The following RO60 variants were observed in gnomAD, a reference collection of about 807,000 sequenced individuals.
RO60 encodes the protein RNA-binding protein RO60.
RO60 carries 20 observed loss-of-function variants against 55.3 expected under a neutral mutation model. That is an observed-to-expected ratio of 0.36 (90% confidence interval 0.25 to 0.53). The LOEUF is 0.53. Among genes scored for constraint, RO60 ranks in the 20% least tolerant of loss-of-function variants. RO60 has a pLI of 0.92. For synonymous variants in RO60, 213 were observed against 213.6 expected (o/e 1.00, Z 0.02); for missense variants, 558 against 646.6 (o/e 0.86, Z 1.49).
At chr1:193,064,744 G>T (rs549455993) in intron 1 of RO60, among the ~76,000 whole-genome samples, 1 of 152,272 alleles carries the variant, frequency 6.6e-6, no homozygotes, top group East Asian at 1.9e-4. Context: ...TGTCCTCAGG[G>T]TTGTCATTTA....
At chr1:193,077,838 C>G (rs1674032743) in intron 5 of RO60, among the ~76,000 whole-genome samples, 1 of 152,168 alleles carries the variant, frequency 6.6e-6, no homozygotes, top group South Asian at 2.1e-4. Context: ...ACAAATCCAA[C>G]CCATATCACT....
At position 193,084,866 on chromosome 1, in the gene RO60, G is replaced by GAAA; in HGVS notation, c.*145_*147dup. On this transcript the variant is annotated 3_prime_UTR_variant, in exon 9 of 9. Coordinates refer to ENST00000400968, the MANE Select transcript of RO60 (RefSeq NM_001173524.2). The stretch of plus-strand genomic sequence containing the variant: ...GTGCATAATGGAAAGTTACCTTACT[G>GAAA]AAAAAAAAAAAAGAAGGAAAAATAA... 2.7e-6 allele frequency: 3 copies of GAAA among 1,113,292 alleles called. No individual in the cohort carries two copies. Among genetic ancestry groups the GAAA allele is most frequent in the East Asian group, 3.1e-5 (1 of 31,950 alleles). The allele number at this position is 1,113,292 out of a possible 1,614,324, so 69.0% of individuals were successfully genotyped here.
intron 1 of RO60, among the ~76,000 whole-genome samples, chr1:193,063,936 A>G (rs189228889): frequency 4.6e-5 from 7 of 152,246 alleles, no homozygotes; most frequent in Admixed American, 6.5e-5. Flanking sequence ...AACAAGAAGT[A>G]GACACATATG....
intron 2 of RO60, among the ~76,000 whole-genome samples, chr1:193,074,253 G>A (rs1285080656): frequency 2.6e-5 from 4 of 152,126 alleles, no homozygotes; most frequent in East Asian, 1.9e-4. Context: ...TATATACCCC[G>A]TAATGGGATT....
intron 1 of RO60, chr1:193,060,115 G>T: frequency 8.3e-7 from 1 of 1,208,508 alleles, no homozygotes. Context: ...CTTCTCCCGC[G>T]GCTTCTGCGC....
Position 193,084,685 on chromosome 1 carries a change from C to T in RO60, c.1571C>T (p.Thr524Ile). ...ATGTTGGATATGTGCGGCTTTGATA[C>T]TGGAGCTCTGGATGTAATTCGAAAT... ...RGMLDMCGFD[T>I]GALDVIRNFT... Residue 524 changes from threonine to isoleucine, a missense_variant, in exon 9 of 9, where the codon ACT (threonine) becomes ATT (isoleucine). By Grantham distance (89) the Thr-to-Ile change is moderately conservative. Coordinates refer to ENST00000400968, the MANE Select transcript of RO60 (RefSeq NM_001173524.2). 2 of 1,613,716 alleles carry T rather than the reference C, an allele frequency of 1.2e-6. No individual in the cohort carries two copies. Among genetic ancestry groups the T allele is most frequent in the South Asian group, 1.1e-5 (1 of 91,030 alleles).
intron 1 of RO60, among the ~76,000 whole-genome samples, chr1:193,065,140 A>G (rs1253208923): frequency 2.0e-5 from 3 of 152,180 alleles, no homozygotes; most frequent in East Asian, 1.9e-4. Context: ...AGAGAAACCA[A>G]TTGTGCATAA....
intron 8 of RO60, among the ~76,000 whole-genome samples, chr1:193,083,902 A>T (rs1235839598): frequency 6.6e-6 from 1 of 152,210 alleles, no homozygotes; most frequent in Non-Finnish European, 1.5e-5. Context: ...ATGTAGAGTA[A>T]AGACTGTTTG....
chr1:193,077,500 G>A (rs187647030), intron 5 of RO60, among the ~76,000 whole-genome samples: 30 of 152,294 alleles, frequency 2.0e-4, no homozygotes, highest in Admixed American at 1.7e-3. Context: ...GCAGCAGGAA[G>A]AAGTGATGAG....
chr1:193,085,884 T>C lies in RO60; in HGVS notation c.*1153T>C. On this transcript the variant is annotated 3_prime_UTR_variant, in exon 9 of 9. Coordinates refer to ENST00000400968, the MANE Select transcript of RO60 (RefSeq NM_001173524.2). ...TCACTAGGAATTTTTTTCAGTATTA[T>C]TTGTATGTATTAAACTTTTCATTAC... 1 of 985,270 alleles carries C rather than the reference T, an allele frequency of 1.0e-6. No homozygotes were observed. Among genetic ancestry groups the C allele is most frequent in the Non-Finnish European group, 1.2e-6 (1 of 829,820 alleles). 61.0% of individuals were successfully genotyped at this position (985,270 alleles called of 1,614,324 possible).
chr1:193,074,728 T>C (rs983269738), intron 2 of RO60, among the ~76,000 whole-genome samples: 1 of 152,212 alleles, frequency 6.6e-6, no homozygotes, highest in Non-Finnish European at 1.5e-5. Flanking sequence ...GCAGAAGCTC[T>C]TTAGTTGAAT....
At chr1:193,084,524 T>C in intron 8 of RO60, 55 bp from the exon 9 acceptor site, 1 of 1,521,900 alleles carries the variant, frequency 6.6e-7, no homozygotes, top group South Asian at 1.3e-5. Flanking sequence ...TTTGGAGGTA[T>C]TTTGCATTTC....
At position 193,084,809 on chromosome 1, in the gene RO60, T is replaced by C. The variant is rs1674548293; in HGVS notation, c.*78T>C. 1 of 1,551,218 alleles carries C rather than the reference T, an allele frequency of 6.4e-7. No homozygotes were observed. The highest frequency in any genetic ancestry group is 8.7e-7 in the Non-Finnish European group (1 of 1,153,820). Reference sequence around the variant, plus strand: ...AAATATACAGCTACTTCCCAGCTAATCTCCACCCAATGAATGATGATGGTA... The same window carrying C: ...AAATATACAGCTACTTCCCAGCTAACCTCCACCCAATGAATGATGATGGTA... On this transcript the variant is annotated 3_prime_UTR_variant, in exon 9 of 9. Coordinates refer to ENST00000400968, the MANE Select transcript of RO60 (RefSeq NM_001173524.2).
rs1455969852 is a variant in RO60, at chr1:193,069,035, T to C, written c.-20T>C. The C allele has an allele frequency of 6.3e-7, 1 of 1,585,072 alleles. No individual in the cohort carries two copies. The highest frequency in any genetic ancestry group is 1.4e-5 in the African/African-American group (1 of 73,466). On this transcript the variant is annotated splice_region_variant and 5_prime_UTR_variant, in exon 2 of 9. Transcript: ENST00000400968. ...AATAACATTTTGCCTTTTTGTTAGG[T>C]TTCCTAAAGACAAAAAAAAATGGAG... is the stretch of plus-strand genomic sequence containing the variant.
chr1:193,068,945 A>T, intron 1 of RO60, 89 bp from the exon 2 acceptor site: 1 of 816,156 alleles, frequency 1.2e-6, no homozygotes, highest in Non-Finnish European at 1.9e-6. Flanking sequence ...TAAAAGAGTT[A>T]ATAACATTTC....
intron 2 of RO60, among the ~76,000 whole-genome samples, chr1:193,070,074 C>T (rs541831736): frequency 6.6e-6 from 1 of 151,476 alleles, no homozygotes; most frequent in East Asian, 1.9e-4. Context: ...ACTTAGGTAA[C>T]TGTACACAGC....
chr1:193,082,114 A>C lies in RO60; in HGVS notation c.1204-72A>C, dbSNP rs983155678. 4.4e-6 allele frequency: 4 copies of C among 902,862 alleles called. No homozygotes were observed. In the Admixed American group the frequency reaches 7.3e-5, roughly 16 times the overall value. 55.9% of individuals were successfully genotyped at this position (902,862 alleles called of 1,614,324 possible). The stretch of plus-strand genomic sequence containing the variant: ...AACATCAGTGTTTCTTTTAAACATG[A>C]AGTTGGATAAAATTCAAAATATTGT... On this transcript the variant is annotated intron_variant, in intron 6 of 8. Transcript: ENST00000400968.
At position 193,059,905 on chromosome 1, in the gene RO60, T is replaced by C. The variant is rs915200802; in HGVS notation, c.-22+129T>C. On this transcript the variant is annotated intron_variant, in intron 1 of 8. Transcript: ENST00000400968. This position sits in a 1 kb window ranked among gnomAD's most constrained non-coding sequence, Gnocchi z 4.9. ...AGGCTGGGCAAACGCCGCGAAACTA[T>C]CGCTCTTCCCCGTCCCGCTTCCGCG... 3 of 1,365,876 alleles carry C rather than the reference T, an allele frequency of 2.2e-6. No homozygotes were observed. Among genetic ancestry groups the C allele is most frequent in the Non-Finnish European group, 2.9e-6 (3 of 1,021,622 alleles). The allele number at this position is 1,365,876 out of a possible 1,614,324, so 84.6% of individuals were successfully genotyped here.
Position 193,059,638 on chromosome 1 carries a change from A to G in RO60, c.-160A>G. 2 of 1,395,442 alleles carry G rather than the reference A, an allele frequency of 1.4e-6. No individual in the cohort carries two copies. Among genetic ancestry groups the G allele is most frequent in the Non-Finnish European group, 9.6e-7 (1 of 1,042,264 alleles). 86.4% of individuals were successfully genotyped at this position (1,395,442 alleles called of 1,614,324 possible). ...CTCGTTCCCGGGAACCGAACCTGGA[A>G]TCCCCGGCGGCAGTGGGGCTGTTGC... On this transcript the variant is annotated 5_prime_UTR_variant, in exon 1 of 9. Transcript: ENST00000400968. This position sits in a 1 kb window ranked among gnomAD's most constrained non-coding sequence, Gnocchi z 4.9.
Sources: allele counts gnomAD v4.1 joint callset (sites outside exome capture counted in the v4.1 genomes callset), GRCh38; gene constraint gnomAD v4.1.1; non-coding constraint Gnocchi (gnomAD v3.1); transcripts MANE v1.5; gene names NCBI Gene and HGNC (gene_info 2026-07-23, HGNC 2026-07-21).